The following RSPRY1 variants were observed in gnomAD, a reference collection of about 807,000 sequenced individuals.
RSPRY1 encodes ring finger and SPRY domain containing 1.
Under a neutral mutation model 73.1 loss-of-function variants are expected in RSPRY1, and 23 were observed. The ratio of observed to expected loss-of-function variants is 0.31; its 90% confidence interval spans 0.23 to 0.45. The LOEUF is 0.45. Among genes scored for constraint, RSPRY1 ranks in the 20% least tolerant of loss-of-function variants. RSPRY1 has a pLI of 1.00. For synonymous variants in RSPRY1, 226 were observed against 251.4 expected (o/e 0.90, Z 0.95); for missense variants, 448 against 698.7 (o/e 0.64, Z 4.05).
At chr16:57,211,354 G>C (rs894398419) in intron 4 of RSPRY1, among the ~76,000 whole-genome samples, 1 of 151,984 alleles carries the variant, frequency 6.6e-6, no homozygotes, top group Non-Finnish European at 1.5e-5. Flanking sequence ...CAGATCACTT[G>C]AGGTCAGGAG....
In RSPRY1 at chr16:57,239,180, T is replaced by C. The variant is rs1354815049; in HGVS notation, c.*205T>C. ...TTGCCAGCCCTGAGAAAATCCCTTT[T>C]AAGGCCAAGGAAAGCTGAATGCTAG... is the stretch of plus-strand genomic sequence containing the variant. On this transcript the variant is annotated 3_prime_UTR_variant, in exon 15 of 15. Coordinates refer to ENST00000394420, the MANE Select transcript of RSPRY1 (RefSeq NM_133368.3). 1 of 318,834 alleles carries C rather than the reference T, an allele frequency of 3.1e-6. No individual in the cohort carries two copies. The highest frequency in any genetic ancestry group is 5.8e-6 in the Non-Finnish European group (1 of 172,780). 19.8% of individuals were successfully genotyped at this position (318,834 alleles called of 1,614,324 possible). A position where few individuals can be genotyped will look rare whatever the true frequency, so the allele number is the denominator to read the frequency against.
chr16:57,192,515 G>A (rs149629508), intron 1 of RSPRY1, among the ~76,000 whole-genome samples: 1 of 152,098 alleles, frequency 6.6e-6, no homozygotes, highest in African/African-American at 2.4e-5. Flanking sequence ...ATTTGCTTCC[G>A]GAAATTCCTT....
rs918711 is a variant in RSPRY1, at chr16:57,213,664, G to C, written c.644-224G>C. 0.35 allele frequency among the ~76,000 whole-genome samples: 53,867 copies of C among 152,132 alleles called. 10,124 individuals are homozygous for C. Among genetic ancestry groups the C allele is most frequent in the South Asian group, 0.51 (2,444 of 4,826 alleles). ...ATCAGAACATGTGGCTACTGGTTTG[G>C]ACTCTCCCATGTGCTTGCCAAGTGC... On this transcript the variant is annotated intron_variant, in intron 5 of 14. Transcript: ENST00000394420.
At chr16:57,223,347 T>C (rs906642933) in intron 10 of RSPRY1, among the ~76,000 whole-genome samples, 5 of 152,226 alleles carry the variant, frequency 3.3e-5, no homozygotes, top group Non-Finnish European at 7.3e-5. Context: ...CTGGGCTCAA[T>C]GTTAGGTCAT....
At chr16:57,222,134 T>G (rs879528237) in intron 10 of RSPRY1, among the ~76,000 whole-genome samples, 2 of 151,586 alleles carry the variant, frequency 1.3e-5, no homozygotes, top group East Asian at 4.1e-4. Flanking sequence ...AAAAGCCCCT[T>G]GGATTATTTT....
chr16:57,194,562 C>G (rs1160638481), intron 1 of RSPRY1, among the ~76,000 whole-genome samples: 1 of 151,982 alleles, frequency 6.6e-6, no homozygotes, highest in Non-Finnish European at 1.5e-5. Context: ...TTGACTTAGC[C>G]TTTGTGGGGG....
chr16:57,210,507 A>C (rs2074820116), intron 4 of RSPRY1, among the ~76,000 whole-genome samples: 1 of 151,812 alleles, frequency 6.6e-6, no homozygotes, highest in African/African-American at 2.4e-5. Flanking sequence ...GTTCGAGACC[A>C]GCCTGAACAG....
intron 13 of RSPRY1, among the ~76,000 whole-genome samples, chr16:57,232,089 C>G (rs1235797362): frequency 1.3e-5 from 2 of 152,204 alleles, no homozygotes; most frequent in African/African-American, 4.8e-5. Flanking sequence ...ATTCCTGTTA[C>G]TAATACCACA....
intron 11 of RSPRY1, 102 bp downstream of exon 11, chr16:57,227,555 A>C: frequency 3.8e-6 from 3 of 794,984 alleles, no homozygotes; most frequent in Non-Finnish European, 6.4e-6. Context: ...GGAGAAGATC[A>C]AATGTGAAAA....
chr16:57,222,809 G>A (rs2075060223), intron 10 of RSPRY1, among the ~76,000 whole-genome samples: 2 of 152,112 alleles, frequency 1.3e-5, no homozygotes, highest in African/African-American at 2.4e-5. Context: ...AGGAAGCTTC[G>A]ATATAAAACT....
chr16:57,208,246 G>T, intron 3 of RSPRY1, 136 bp downstream of exon 3: 1 of 371,890 alleles, frequency 2.7e-6, no homozygotes, highest in Non-Finnish European at 4.8e-6. Context: ...AATGAAAAAA[G>T]CCCTTACTGT....
intron 11 of RSPRY1, among the ~76,000 whole-genome samples, chr16:57,229,690 CTTTTTTTTTTTTTTTTTTTTTT>C (rs1162737560): frequency 9.5e-5 from 4 of 42,102 alleles, no homozygotes; most frequent in Non-Finnish European, 1.6e-4. Flanking sequence ...AAGATAAATG[CTTTTTTTTTTTTTTTTTTTTTT>C]TTTTTTTTTT....
chr16:57,188,493 A>C (rs1045866202), intron 1 of RSPRY1, among the ~76,000 whole-genome samples: 12 of 151,682 alleles, frequency 7.9e-5, no homozygotes, highest in Non-Finnish European at 1.8e-4. Context: ...TTTCCGAAGT[A>C]ATTTAGTTGT....
chr16:57,207,592 G>A (rs1323022092), intron 2 of RSPRY1: 1 of 456,024 alleles, frequency 2.2e-6, no homozygotes, highest in African/African-American at 2.0e-5. Flanking sequence ...GGTATTTCCA[G>A]AAGAAAACTT....
At chr16:57,223,574 G>A (rs1029390137) in intron 10 of RSPRY1, among the ~76,000 whole-genome samples, 2 of 152,170 alleles carry the variant, frequency 1.3e-5, no homozygotes, top group African/African-American at 4.8e-5. Context: ...AAGGTCAGGA[G>A]TTTGACTGGC....
chr16:57,230,046 C>T lies in RSPRY1; in HGVS notation c.1274-665C>T, dbSNP rs1453147494. Among the ~76,000 whole-genome samples the T allele has an allele frequency of 8.3e-4, 92 of 111,438 alleles. No individual in the cohort carries two copies. The Middle Eastern group carries it at 0.036, about 44-fold the overall frequency. The allele number at this position is 111,438 out of a possible 152,430, so 73.1% of individuals were successfully genotyped here. ...TTTTTTTTGAGATGGATTTTTGCCC[C>T]GTCACCCAGGCTGGAGTGCAATGGC... On this transcript the variant is annotated intron_variant, in intron 11 of 14. Coordinates refer to ENST00000394420, the MANE Select transcript of RSPRY1 (RefSeq NM_133368.3).
intron 2 of RSPRY1, among the ~76,000 whole-genome samples, chr16:57,205,567 C>T (rs1395166886): frequency 2.6e-5 from 4 of 152,198 alleles, no homozygotes; most frequent in African/African-American, 7.2e-5. Context: ...GTCTTTTCCT[C>T]TGCTTTGTCT....
In RSPRY1 at chr16:57,220,802, C is replaced by T; in HGVS notation, c.972C>T (p.Ser324=). Residue 324 remains serine (S), a synonymous_variant, in exon 9 of 15, where the codon AGC becomes AGT. Coordinates refer to ENST00000394420, the MANE Select transcript of RSPRY1 (RefSeq NM_133368.3). ...GTAGCATTAGGGCCATGCTGAATAG[C>T]AATGATGTCAGCGAGTACCTGAAGA... ...NLSSIRAMLN[S]NDVSEYLKIS... is the part of the protein sequence containing the mutation. 1 of 1,613,852 alleles carries T rather than the reference C, an allele frequency of 6.2e-7. No individual in the cohort carries two copies. Among genetic ancestry groups the T allele is most frequent in the South Asian group, 1.1e-5 (1 of 91,078 alleles).
intron 12 of RSPRY1, 105 bp downstream of exon 12, chr16:57,230,918 A>C: frequency 1.3e-6 from 1 of 741,788 alleles, no homozygotes; most frequent in Non-Finnish European, 2.2e-6. Context: ...TGTGATGAGA[A>C]ATTGATTAAT....
Sources: allele counts gnomAD v4.1 joint callset (sites outside exome capture counted in the v4.1 genomes callset), GRCh38; gene constraint gnomAD v4.1.1; transcripts MANE v1.5; gene names NCBI Gene and HGNC (gene_info 2026-07-23, HGNC 2026-07-21).